SLC16A7: variants seen among roughly 807,000 people sequenced by gnomAD.
SLC16A7 encodes the protein solute carrier family 16 member 7.
A neutral mutation model predicts 34.9 loss-of-function variants in SLC16A7; 33 were observed. The observed-to-expected ratio is 0.94, with a 90% CI of 0.72 to 1.26. SLC16A7 has a LOEUF of 1.26. Ranked by LOEUF, SLC16A7 falls within the 50% of genes most tolerant of loss-of-function variation. The pLI is 0.00. For missense variants in SLC16A7, 573 were observed against 578.1 expected, an observed-to-expected ratio of 0.99 and a Z score of 0.09; for synonymous variants, 201 against 206.6, an observed-to-expected ratio of 0.97 and a Z score of 0.23.
intron 1 of SLC16A7, among the ~76,000 whole-genome samples, chr12:59,607,391 T>A (rs989384653): frequency 7.9e-5 from 12 of 152,206 alleles, no homozygotes; most frequent in African/African-American, 2.9e-4. Flanking sequence ...TTACTCTATA[T>A]AATTTATATA....
At chr12:59,771,006 T>C (rs1165663409) in intron 3 of SLC16A7, among the ~76,000 whole-genome samples, 1 of 151,294 alleles carries the variant, frequency 6.6e-6, no homozygotes, top group Non-Finnish European at 1.5e-5. Flanking sequence ...TAATTTATTA[T>C]TTCATGTGCT....
intron 3 of SLC16A7, chr12:59,720,073 C>G (rs925634224): frequency 1.4e-6 from 1 of 699,162 alleles, no homozygotes; most frequent in Admixed American, 2.0e-5. Flanking sequence ...TTTTCTAATT[C>G]TTCAGGTTGG....
chr12:59,647,219 T>G (rs1868263366), intron 1 of SLC16A7, among the ~76,000 whole-genome samples: 1 of 152,080 alleles, frequency 6.6e-6, no homozygotes, highest in African/African-American at 2.4e-5. Context: ...CCTACCCAAA[T>G]CTCACCTTGA....
chr12:59,749,240 A>C (rs1303135111), intron 3 of SLC16A7, among the ~76,000 whole-genome samples: 1 of 151,384 alleles, frequency 6.6e-6, no homozygotes, highest in Non-Finnish European at 1.5e-5. Context: ...AAAGGCGATA[A>C]CTCCTGAGTT....
intron 3 of SLC16A7, among the ~76,000 whole-genome samples, chr12:59,734,590 C>T (rs1297531747): frequency 1.3e-5 from 2 of 152,224 alleles, no homozygotes; most frequent in East Asian, 3.9e-4. Context: ...GCCACCTGTT[C>T]CTGGCCCCTG....
chr12:59,700,661 A>G (rs951256879), intron 2 of SLC16A7, among the ~76,000 whole-genome samples: 3 of 151,524 alleles, frequency 2.0e-5, no homozygotes, highest in Non-Finnish European at 4.4e-5. Context: ...CATATATGGT[A>G]AAAGTATAAA....
chr12:59,785,643 T>G lies in SLC16A7; in HGVS notation c.*5964T>G, dbSNP rs1456898622. Reference sequence around the variant, plus strand: ...CTTTGGTATAGTTAGTTACACTTGTTTGCATGATCTACATGTTTTTCAGTC... The same window carrying G: ...CTTTGGTATAGTTAGTTACACTTGTGTGCATGATCTACATGTTTTTCAGTC... On this transcript the variant is annotated 3_prime_UTR_variant, in exon 6 of 6. Transcript: ENST00000547379. 2 of 152,278 alleles carry G rather than the reference T, an allele frequency of 1.3e-5. No individual in the cohort carries two copies. Among genetic ancestry groups the G allele is most frequent in the East Asian group, 3.9e-4 (2 of 5,176 alleles). The allele number at this position is 152,278 out of a possible 1,614,324, so 9.4% of individuals were successfully genotyped here.
chr12:59,721,196 C>A (rs918014475), intron 3 of SLC16A7, among the ~76,000 whole-genome samples: 1 of 151,984 alleles, frequency 6.6e-6, no homozygotes, highest in Non-Finnish European at 1.5e-5. Flanking sequence ...TTCCCCAAAG[C>A]CACTGTCTTC....
intron 1 of SLC16A7, among the ~76,000 whole-genome samples, chr12:59,616,399 C>A (rs569075241): frequency 1.3e-5 from 2 of 152,092 alleles, no homozygotes; most frequent in African/African-American, 4.8e-5. Flanking sequence ...CTGGGTAGGC[C>A]ATTAAACATA....
intron 3 of SLC16A7, among the ~76,000 whole-genome samples, chr12:59,750,431 C>T (rs1879388027): frequency 6.6e-6 from 1 of 152,130 alleles, no homozygotes; most frequent in African/African-American, 2.4e-5. Context: ...CAAAAGAAGA[C>T]ATTTATGCAG....
chr12:59,642,349 G>T (rs926923552), intron 1 of SLC16A7, among the ~76,000 whole-genome samples: 7 of 151,816 alleles, frequency 4.6e-5, no homozygotes, highest in Non-Finnish European at 1.0e-4. Flanking sequence ...CCCCAGGGTG[G>T]TTAGATATCC....
chr12:59,653,527 G>T (rs1386186051), intron 1 of SLC16A7, among the ~76,000 whole-genome samples: 2 of 151,414 alleles, frequency 1.3e-5, no homozygotes, highest in African/African-American at 2.4e-5. Flanking sequence ...AAAATATTTA[G>T]TATATAAATT....
At chr12:59,672,134 A>G (rs1375254411) in intron 2 of SLC16A7, among the ~76,000 whole-genome samples, 7 of 54,280 alleles carry the variant, frequency 1.3e-4, no homozygotes, top group African/African-American at 2.4e-4. Flanking sequence ...ATATATACGT[A>G]TATATATGTG....
At chr12:59,715,488 A>T (rs1156987108) in intron 3 of SLC16A7, among the ~76,000 whole-genome samples, 1 of 152,200 alleles carries the variant, frequency 6.6e-6, no homozygotes, top group Non-Finnish European at 1.5e-5. Context: ...TAAACAGAAG[A>T]ATTACCAACT....
intron 2 of SLC16A7, among the ~76,000 whole-genome samples, chr12:59,658,283 A>T (rs952335324): frequency 6.6e-6 from 1 of 151,930 alleles, no homozygotes; most frequent in African/African-American, 2.4e-5. Flanking sequence ...CACTTCACTA[A>T]TTGGCATCTC....
rs562817371 is a variant in SLC16A7, at chr12:59,671,983, G to A, written c.-31+16733G>A. On this transcript the variant is annotated intron_variant, in intron 2 of 5. Transcript: ENST00000547379. ...TATATGTGTATATATCCATATATCC[G>A]TATATATATGTGTATATATCCATAT... Among the ~76,000 whole-genome samples, 8 of 13,426 alleles carry A rather than the reference G, an allele frequency of 6.0e-4. 3 individuals are homozygous for A. The highest frequency in any genetic ancestry group is 9.4e-4 in the Non-Finnish European group (7 of 7,424). The allele number at this position is 13,426 out of a possible 152,430, so 8.8% of individuals were successfully genotyped here.
intron 3 of SLC16A7, among the ~76,000 whole-genome samples, chr12:59,759,902 C>A (rs917562873): frequency 2.6e-5 from 4 of 151,926 alleles, no homozygotes; most frequent in African/African-American, 9.7e-5. Flanking sequence ...TTAAACCTAG[C>A]AATTATGTTT....
intron 3 of SLC16A7, among the ~76,000 whole-genome samples, chr12:59,747,928 C>T (rs971680819): frequency 1.1e-4 from 17 of 152,160 alleles, no homozygotes; most frequent in South Asian, 4.1e-4. Context: ...ATAGGCCACG[C>T]GCTGTGGCAC....
chr12:59,600,895 T>C (rs1421181788), intron 1 of SLC16A7, among the ~76,000 whole-genome samples: 3 of 152,178 alleles, frequency 2.0e-5, no homozygotes, highest in East Asian at 1.9e-4. Flanking sequence ...TTAATACTCA[T>C]TGAAGTCTCA....
Sources: allele counts gnomAD v4.1 joint callset (sites outside exome capture counted in the v4.1 genomes callset), GRCh38; gene constraint gnomAD v4.1.1; transcripts MANE v1.5; gene names NCBI Gene and HGNC (gene_info 2026-07-23, HGNC 2026-07-21).